STAB2: variants seen among roughly 807,000 people sequenced by gnomAD.
STAB2 encodes the protein stabilin-2.
Under a neutral mutation model 338.1 loss-of-function variants are expected in STAB2, and 288 were observed. That is an observed-to-expected ratio of 0.85 (90% CI 0.77 to 0.94). STAB2 has a LOEUF of 0.94. STAB2 is among the 40% of genes least tolerant of loss of function. The pLI is 0.00. For synonymous variants in STAB2, 1,202 were observed against 1,193.3 expected (o/e 1.01, Z -0.15); for missense variants, 3,141 against 3,210.1 (o/e 0.98, Z 0.52).
rs141319943 is a variant in STAB2 at position 103,625,782 on chromosome 12, G to A, written c.487+3671G>A. On this transcript the variant is annotated intron_variant, in intron 5 of 68. Transcript: ENST00000388887. ...ATTGTTGGACATTTGGGTTGGTTCC[G>A]AGTCTTTGCTATCGTGAATAGTGCC... 8.3e-3 allele frequency among the ~76,000 whole-genome samples: 1,269 copies of A among 152,228 alleles called. 12 individuals are homozygous for A. Among genetic ancestry groups the A allele is most frequent in the African/African-American group, 0.011 (451 of 41,524 alleles).
At chr12:103,603,220 G>A (rs7958798) in intron 3 of STAB2, among the ~76,000 whole-genome samples, 48,849 of 151,818 alleles carry the variant, frequency 0.32, 10,018 homozygotes, top group African/African-American at 0.58. Context: ...ACAGGCACCC[G>A]CAACCACGCC....
intron 51 of STAB2, among the ~76,000 whole-genome samples, chr12:103,735,121 C>T (rs1441528410): frequency 1.3e-5 from 2 of 152,162 alleles, no homozygotes; most frequent in African/African-American, 4.8e-5. Context: ...TTCAACATAA[C>T]TCTTTGAGGG....
chr12:103,716,657 T>G (rs1312242701), intron 43 of STAB2, among the ~76,000 whole-genome samples: 1 of 152,238 alleles, frequency 6.6e-6, no homozygotes, highest in Non-Finnish European at 1.5e-5. Flanking sequence ...GAAAGAACTG[T>G]GTGAGCACAC....
chr12:103,624,709 A>G (rs1428837394), intron 5 of STAB2, among the ~76,000 whole-genome samples: 2 of 152,126 alleles, frequency 1.3e-5, no homozygotes, highest in South Asian at 4.1e-4. Context: ...GGGAGGCTAA[A>G]GCTGGATCCG....
intron 59 of STAB2, among the ~76,000 whole-genome samples, chr12:103,749,772 G>A (rs142478364): frequency 0.077 from 11,347 of 146,650 alleles, 665 homozygotes; most frequent in East Asian, 0.23. Context: ...CACAGGAGGC[G>A]GAGCTTGCAG....
At chr12:103,681,321 T>C (rs977501657) in intron 25 of STAB2, among the ~76,000 whole-genome samples, 1 of 152,234 alleles carries the variant, frequency 6.6e-6, no homozygotes, top group African/African-American at 2.4e-5. Context: ...ACTTGGTGTC[T>C]GTATTAGCTT....
At chr12:103,594,352 A>T in intron 2 of STAB2, 43 bp from the exon 3 acceptor site, 1 of 1,443,522 alleles carries the variant, frequency 6.9e-7, no homozygotes, top group Non-Finnish European at 9.8e-7. Flanking sequence ...GAGTAACTGC[A>T]TTGCTCTTAT....
chr12:103,730,382 A>T (rs904386509), intron 49 of STAB2, 126 bp downstream of exon 49: 6 of 1,094,026 alleles, frequency 5.5e-6, no homozygotes, highest in Non-Finnish European at 7.9e-6. Context: ...TATTATTAAA[A>T]GCCTAGTAAA....
intron 24 of STAB2, among the ~76,000 whole-genome samples, chr12:103,676,325 A>G (rs772015646): frequency 3.3e-5 from 5 of 151,538 alleles, no homozygotes; most frequent in Non-Finnish European, 7.4e-5. Flanking sequence ...CCAAAGTGCT[A>G]GGACTACAGG....
chr12:103,625,629 G>A (rs890906145), intron 5 of STAB2, among the ~76,000 whole-genome samples: 70 of 152,160 alleles, frequency 4.6e-4, no homozygotes, highest in African/African-American at 1.3e-3. Context: ...TTGTCCCTGC[G>A]ATAGTTTGCT....
intron 54 of STAB2, 106 bp downstream of exon 54, chr12:103,739,574 C>A: frequency 3.3e-6 from 2 of 607,866 alleles, no homozygotes; most frequent in Non-Finnish European, 4.8e-6. Context: ...TGTGTGTGTG[C>A]CCGTGCACGT....
chr12:103,591,108 C>T lies in STAB2; in HGVS notation c.215+78C>T, dbSNP rs56331536. 6.6e-3 allele frequency: 10,488 copies of T among 1,586,550 alleles called. 655 individuals carry two copies. The African/African-American group carries it at 0.13, about 19-fold the overall frequency. On this transcript the variant is annotated intron_variant, in intron 2 of 68. Coordinates refer to ENST00000388887, the MANE Select transcript of STAB2 (RefSeq NM_017564.10). ...CTGTCTCAAAAACTGCAAAGCATTT[C>T]CATGACTTTTCTCTTGCTCTAAGAC...
Position 103,643,936 on chromosome 12 carries a change from C to T in STAB2, c.1040+3680C>T, listed in dbSNP as rs1328910141. The stretch of plus-strand genomic sequence containing the variant: ...TGAGGAGCCCCTCTGCCCGGCCAGC[C>T]GCCCCGTCCGGGAGGTGAGGGGCGC... On this transcript the variant is annotated intron_variant, in intron 9 of 68. Coordinates refer to ENST00000388887, the MANE Select transcript of STAB2 (RefSeq NM_017564.10). Among the ~76,000 whole-genome samples, 46 of 84,664 alleles carry T rather than the reference C, an allele frequency of 5.4e-4. 1 individual carries two copies. Among genetic ancestry groups the T allele is most frequent in the African/African-American group, 1.2e-3 (24 of 20,654 alleles). 55.5% of individuals were successfully genotyped at this position (84,664 alleles called of 152,430 possible). A position where few individuals can be genotyped will look rare whatever the true frequency, so the allele number is the denominator to read the frequency against.
intron 67 of STAB2, chr12:103,763,240 C>T (rs1186026213): frequency 6.3e-6 from 3 of 474,044 alleles, no homozygotes; most frequent in East Asian, 3.9e-5. Context: ...CATGTGAACA[C>T]ATCCTGGGGT....
intron 6 of STAB2, among the ~76,000 whole-genome samples, chr12:103,636,059 T>C (rs1482075666): frequency 2.6e-5 from 4 of 152,138 alleles, no homozygotes; most frequent in Non-Finnish European, 5.9e-5. Context: ...ATTTTATTAT[T>C]ATTATACTTT....
Position 103,766,553 on chromosome 12 carries a change from T to C in STAB2, c.*217T>C, listed in dbSNP as rs1391635507. On this transcript the variant is annotated 3_prime_UTR_variant, in exon 69 of 69. Coordinates refer to ENST00000388887, the MANE Select transcript of STAB2 (RefSeq NM_017564.10). ...CCTCCTCTGACCCTTTGGCTCTTCT[T>C]CCTTTGTACTCTTCAGCTGGCACCT... 27 of 544,312 alleles carry C rather than the reference T, an allele frequency of 5.0e-5. No homozygotes were observed. The highest frequency in any genetic ancestry group is 8.6e-5 in the Non-Finnish European group (26 of 304,068). 33.7% of individuals were successfully genotyped at this position (544,312 alleles called of 1,614,324 possible).
chr12:103,757,955 C>T (rs113503423), intron 63 of STAB2: 8 of 622,140 alleles, frequency 1.3e-5, no homozygotes, highest in Admixed American at 3.0e-5. Flanking sequence ...TGGGCTGTGA[C>T]GTGGCTGTGT....
In STAB2 at chr12:103,690,460, T is replaced by C; in HGVS notation, c.3219T>C (p.Asp1073=). The C allele has an allele frequency of 6.2e-7, 1 of 1,614,136 alleles. No individual in the cohort carries two copies. Among genetic ancestry groups the C allele is most frequent in the Non-Finnish European group, 8.5e-7 (1 of 1,179,968 alleles). Residue 1073 remains aspartate, a synonymous_variant, in exon 30 of 69, where the codon GAT becomes GAC. Transcript: ENST00000388887. ...TACTAGGCACATACAGAGTGGCAGA[T>C]CTGCAGACCCTGTCTTCTTCTGACA... The part of the protein sequence containing the change: ...HMLLGTYRVA[D]LQTLSSSDML...
intron 48 of STAB2, 129 bp downstream of exon 48, chr12:103,729,124 C>G: frequency 1.2e-6 from 1 of 827,334 alleles, no homozygotes; most frequent in Non-Finnish European, 1.9e-6. Context: ...TGCATGTCCT[C>G]ACTTACAAGT....
Sources: allele counts gnomAD v4.1 joint callset (sites outside exome capture counted in the v4.1 genomes callset), GRCh38; gene constraint gnomAD v4.1.1; transcripts MANE v1.5; gene names NCBI Gene and HGNC (gene_info 2026-07-23, HGNC 2026-07-21).